The following GSK3B variants were observed in gnomAD, a reference collection of about 807,000 sequenced individuals.
GSK3B encodes glycogen synthase kinase-3 beta.
A neutral mutation model predicts 56.4 loss-of-function variants in GSK3B; 15 were observed. That is an observed-to-expected ratio of 0.27 (90% CI 0.18 to 0.41). The LOEUF (loss-of-function observed/expected upper bound fraction) is 0.41. Ranked by LOEUF, GSK3B falls within the 10% of genes least tolerant of loss-of-function variation. The pLI is 1.00. For missense variants in GSK3B, 300 were observed against 513.4 expected (o/e 0.58, Z 4.02); for synonymous variants, 181 against 188.9 (o/e 0.96, Z 0.34).
intron 3 of GSK3B, among the ~76,000 whole-genome samples, chr3:119,944,844 C>G (rs1439778554): frequency 6.6e-6 from 1 of 152,134 alleles, no homozygotes; most frequent in Admixed American, 6.5e-5. Flanking sequence ...AAAATGCCTA[C>G]CAAATATAGG....
chr3:120,073,783 C>A (rs2058346787), intron 1 of GSK3B, among the ~76,000 whole-genome samples: 1 of 152,110 alleles, frequency 6.6e-6, no homozygotes, highest in Admixed American at 6.5e-5. Flanking sequence ...TCAGTTTCCT[C>A]ATTTATAAAT....
intron 2 of GSK3B, among the ~76,000 whole-genome samples, chr3:119,980,883 T>G (rs1028342652): frequency 2.6e-5 from 4 of 152,190 alleles, no homozygotes; most frequent in African/African-American, 7.2e-5. Context: ...CTAAGTTAAC[T>G]GGTTGTTTAA....
chr3:120,016,103 C>G (rs2057824727), intron 1 of GSK3B, among the ~76,000 whole-genome samples: 2 of 152,152 alleles, frequency 1.3e-5, no homozygotes, highest in African/African-American at 4.8e-5. Context: ...GGAGACAAAA[C>G]TGAGATCTTA....
chr3:119,881,168 G>A (rs2056374642), intron 7 of GSK3B, among the ~76,000 whole-genome samples: 1 of 152,116 alleles, frequency 6.6e-6, no homozygotes, highest in African/African-American at 2.4e-5. Context: ...TACCTTTATG[G>A]ATGAATCTCA....
intron 9 of GSK3B, among the ~76,000 whole-genome samples, chr3:119,859,363 G>T (rs990875904): frequency 6.6e-6 from 1 of 152,138 alleles, no homozygotes; most frequent in Non-Finnish European, 1.5e-5. Flanking sequence ...TAGATGCACT[G>T]ACCTTATTTA....
intron 5 of GSK3B, among the ~76,000 whole-genome samples, chr3:119,914,711 G>A (rs1007657576): frequency 6.6e-6 from 1 of 152,070 alleles, no homozygotes; most frequent in Admixed American, 6.6e-5. Context: ...CAGTCTGAAA[G>A]AGGACACATT....
chr3:119,971,016 C>T (rs561540701), intron 2 of GSK3B, among the ~76,000 whole-genome samples: 20 of 152,140 alleles, frequency 1.3e-4, no homozygotes, highest in Non-Finnish European at 2.5e-4. Context: ...ATAGATTCCA[C>T]TGTATGATTA....
chr3:120,013,378 T>C lies in GSK3B; in HGVS notation c.89-11139A>G, dbSNP rs547196741. Among the ~76,000 whole-genome samples the C allele has an allele frequency of 2.6e-5, 4 of 152,320 alleles. No individual in the cohort carries two copies. The East Asian group carries it at 7.7e-4, about 29-fold the overall frequency. ...GAGACTAGTTCTTAAAATCCAGTGC[T>C]GAGAAAAAGCAACAACTGAGACACT... is the stretch of plus-strand genomic sequence containing the variant. On this transcript the variant is annotated intron_variant, in intron 1 of 10. Transcript: ENST00000264235.
chr3:120,035,071 C>T (rs531522986), intron 1 of GSK3B, among the ~76,000 whole-genome samples: 7 of 151,622 alleles, frequency 4.6e-5, no homozygotes, highest in African/African-American at 7.3e-5. Context: ...CCAGCCTGGG[C>T]GAGAGAGTGA....
chr3:120,029,704 G>A, intron 1 of GSK3B: 1 of 533,388 alleles, frequency 1.9e-6, no homozygotes. Context: ...ATCTTCATGG[G>A]ATGGAAATTT....
intron 9 of GSK3B, among the ~76,000 whole-genome samples, chr3:119,844,068 T>C (rs1256694527): frequency 6.6e-6 from 1 of 152,180 alleles, no homozygotes; most frequent in African/African-American, 2.4e-5. Flanking sequence ...TGCTCCTGAA[T>C]GACTACTGGG....
intron 2 of GSK3B, among the ~76,000 whole-genome samples, chr3:119,991,708 T>C (rs2057567116): frequency 6.6e-6 from 1 of 152,060 alleles, no homozygotes; most frequent in Non-Finnish European, 1.5e-5. Flanking sequence ...AAATTCCTAT[T>C]TTATGATAAT....
At chr3:119,923,980 A>G (rs1487381457) in intron 3 of GSK3B, among the ~76,000 whole-genome samples, 1 of 152,238 alleles carries the variant, frequency 6.6e-6, no homozygotes, top group African/African-American at 2.4e-5. Context: ...CAGACTAAAC[A>G]GTCCAAAATG....
intron 4 of GSK3B, among the ~76,000 whole-genome samples, chr3:119,921,570 T>C (rs1321134537): frequency 6.6e-6 from 1 of 152,112 alleles, no homozygotes; most frequent in Non-Finnish European, 1.5e-5. Context: ...CTACAGAAAT[T>C]CAGCAAAATC....
chr3:119,920,067 A>T (rs1314207554), intron 4 of GSK3B, among the ~76,000 whole-genome samples: 4 of 152,204 alleles, frequency 2.6e-5, no homozygotes, highest in African/African-American at 9.6e-5. Context: ...AACAGAGATA[A>T]AAGCTGAACT....
intron 3 of GSK3B, among the ~76,000 whole-genome samples, chr3:119,944,182 C>G (rs956958305): frequency 1.8e-4 from 28 of 152,130 alleles, no homozygotes; most frequent in Admixed American, 5.9e-4. Flanking sequence ...ACTAATCTCC[C>G]TAATTGCCTC....
At chr3:119,992,151 ATAGG>A (rs1172224904) in intron 2 of GSK3B, among the ~76,000 whole-genome samples, 6 of 152,100 alleles carry the variant, frequency 3.9e-5, no homozygotes, top group South Asian at 2.1e-4. Context: ...ACATGTAAAA[ATAGG>A]TAGGAAAACA....
At chr3:120,032,530 T>C (rs1035303928) in intron 1 of GSK3B, among the ~76,000 whole-genome samples, 1 of 151,990 alleles carries the variant, frequency 6.6e-6, no homozygotes, top group African/African-American at 2.4e-5. Flanking sequence ...GTGGCTCTTA[T>C]AAGGCGGGAG....
At chr3:119,959,585 G>A (rs553182719) in intron 2 of GSK3B, among the ~76,000 whole-genome samples, 7 of 144,056 alleles carry the variant, frequency 4.9e-5, no homozygotes, top group African/African-American at 7.7e-5. Context: ...CATGATCTCA[G>A]CTCACTGCAA....
Sources: allele counts gnomAD v4.1 joint callset (sites outside exome capture counted in the v4.1 genomes callset), GRCh38; gene constraint gnomAD v4.1.1; transcripts MANE v1.5; gene names NCBI Gene and HGNC (gene_info 2026-07-23, HGNC 2026-07-21).